The following ATP10B variants were observed in gnomAD, a reference collection of about 807,000 sequenced individuals.
ATP10B encodes phospholipid-transporting ATPase VB.
A neutral mutation model predicts 141.2 loss-of-function variants in ATP10B; 122 were observed. The observed-to-expected ratio is 0.86, with a 90% CI of 0.75 to 1.00. The LOEUF is 1.00. Among genes scored for constraint, ATP10B ranks in the 50% least tolerant of loss-of-function variants. The probability of loss-of-function intolerance (pLI) is 0.00; values close to 1 mark genes in which losing one functional copy is unlikely to be tolerated. For synonymous variants in ATP10B, 685 were observed against 692.0 expected, an observed-to-expected ratio of 0.99 and a Z score of 0.16; for missense variants, 1,876 against 1,825.3, an observed-to-expected ratio of 1.03 and a Z score of -0.51.
chr5:160,668,442 C>G (rs1320895297), intron 7 of ATP10B, among the ~76,000 whole-genome samples: 1 of 152,182 alleles, frequency 6.6e-6, no homozygotes, highest in African/African-American at 2.4e-5. Flanking sequence ...GGTCGAAGGG[C>G]AGGCTACAGA....
intron 25 of ATP10B, among the ~76,000 whole-genome samples, chr5:160,567,881 T>G (rs1754641062): frequency 6.6e-6 from 1 of 152,102 alleles, no homozygotes; most frequent in Non-Finnish European, 1.5e-5. Context: ...ACCGAAATAA[T>G]TTGGGGTGAA....
chr5:160,855,684 ATATT>A (rs979538986), upstream of ATP10B, among the ~76,000 whole-genome samples: 13 of 151,784 alleles, frequency 8.6e-5, no homozygotes, highest in African/African-American at 1.9e-4. Flanking sequence ...TAAATCTTAA[ATATT>A]TATCCTATTT....
At chr5:160,789,212 T>G (rs1160357621) in intron 1 of ATP10B, among the ~76,000 whole-genome samples, 1 of 152,150 alleles carries the variant, frequency 6.6e-6, no homozygotes, top group Non-Finnish European at 1.5e-5. Context: ...GGGAGACCCC[T>G]TTAGCAGTAG....
At chr5:160,678,267 A>T (rs966122967) in intron 6 of ATP10B, among the ~76,000 whole-genome samples, 2 of 152,220 alleles carry the variant, frequency 1.3e-5, no homozygotes, top group Admixed American at 6.5e-5. Context: ...AGAACTAGCA[A>T]TTCCACCCTT....
At chr5:160,816,299 A>AT (rs1198691777) in intron 1 of ATP10B, among the ~76,000 whole-genome samples, 3 of 151,732 alleles carry the variant, frequency 2.0e-5, no homozygotes, top group Non-Finnish European at 4.4e-5. Context: ...AATAGACACA[A>AT]TAAAAAATGA....
chr5:160,868,280 A>G, the ATP10B span, among the ~76,000 whole-genome samples: 1 of 152,034 alleles, frequency 6.6e-6, no homozygotes, highest in Admixed American at 6.6e-5. Flanking sequence ...GAATATCTCA[A>G]ACAGTTGGTT....
intron 3 of ATP10B, among the ~76,000 whole-genome samples, chr5:160,709,203 G>C (rs1416609984): frequency 6.6e-6 from 1 of 152,212 alleles, no homozygotes; most frequent in African/African-American, 2.4e-5. Flanking sequence ...TGGTCTTGAG[G>C]TAGGGAGGAA....
chr5:160,767,225 A>G (rs762923182), intron 2 of ATP10B, among the ~76,000 whole-genome samples: 1 of 152,184 alleles, frequency 6.6e-6, no homozygotes, highest in Non-Finnish European at 1.5e-5. Flanking sequence ...GCTTGATATA[A>G]GTCAATATTC....
chr5:160,820,154 G>A (rs1773990456), intron 1 of ATP10B, among the ~76,000 whole-genome samples: 1 of 144,234 alleles, frequency 6.9e-6, no homozygotes. Context: ...GAAAAAAAAA[G>A]AGGGAAGACT....
At chr5:160,876,946 T>C in the ATP10B span, among the ~76,000 whole-genome samples, 1 of 142,508 alleles carries the variant, frequency 7.0e-6, no homozygotes, top group African/African-American at 2.5e-5. Flanking sequence ...AGCCGAATTC[T>C]ACCAGAGGTA....
chr5:160,600,648 G>C (rs1394272180), intron 21 of ATP10B, among the ~76,000 whole-genome samples: 5 of 152,186 alleles, frequency 3.3e-5, no homozygotes, highest in South Asian at 2.1e-4. Flanking sequence ...GCCTCCTGAG[G>C]CCCTGGTAAG....
chr5:160,656,739 T>C (rs907668503), intron 7 of ATP10B, among the ~76,000 whole-genome samples: 4 of 152,192 alleles, frequency 2.6e-5, no homozygotes, highest in African/African-American at 9.7e-5. Flanking sequence ...CATAAAGTTC[T>C]TACAGGGTTA....
Position 160,687,978 on chromosome 5 carries a change from G to T in ATP10B, c.97C>A (p.Pro33Thr). The T allele has an allele frequency of 6.2e-7, 1 of 1,614,100 alleles. No homozygotes were observed. Among genetic ancestry groups the T allele is most frequent in the South Asian group, 1.1e-5 (1 of 91,068 alleles). The change falls in exon 5 of 26, where the codon CCA becomes ACA. Residue 33 changes from proline to threonine, a missense_variant. Pro to Thr is a conservative substitution (Grantham distance 38). Transcript: ENST00000327245. ...CPSETTPLLSPEKGRQSYNLT... is the reference protein window; with the variant it reads ...CPSETTPLLSTEKGRQSYNLT... ...TTGTAGCTCTGTCTCCCTTTCTCTGGAGAGAGCAGCGGTGTGGTTTCCGAT... is the reference window on the plus strand; with the variant it reads ...TTGTAGCTCTGTCTCCCTTTCTCTGTAGAGAGCAGCGGTGTGGTTTCCGAT...
At chr5:160,692,144 G>A (rs1471242854) in intron 3 of ATP10B, among the ~76,000 whole-genome samples, 1 of 152,130 alleles carries the variant, frequency 6.6e-6, no homozygotes, top group African/African-American at 2.4e-5. Context: ...AGGATTAAAA[G>A]TCCATTTATC....
chr5:160,754,317 G>A (rs961475103), intron 2 of ATP10B, among the ~76,000 whole-genome samples: 1 of 152,146 alleles, frequency 6.6e-6, no homozygotes, highest in Admixed American at 6.5e-5. Context: ...GACTTTCTGG[G>A]AAATAAATCT....
chr5:160,873,670 G>T, the ATP10B span, among the ~76,000 whole-genome samples: 10 of 152,182 alleles, frequency 6.6e-5, no homozygotes, highest in African/African-American at 2.2e-4. Context: ...CAGGTCAGTG[G>T]GTGCACGCAC....
At chr5:160,603,836 C>A in intron 20 of ATP10B, 129 bp downstream of exon 20, 1 of 710,370 alleles carries the variant, frequency 1.4e-6, no homozygotes. Flanking sequence ...TCTGTCATTG[C>A]TTATGGAGGG....
At chr5:160,669,270 A>G (rs994554526) in intron 7 of ATP10B, among the ~76,000 whole-genome samples, 3 of 152,224 alleles carry the variant, frequency 2.0e-5, no homozygotes, top group Non-Finnish European at 2.9e-5. Context: ...CTGGTCTTTT[A>G]CTATGTGCCT....
At chr5:160,696,449 A>G (rs1764367967) in intron 3 of ATP10B, among the ~76,000 whole-genome samples, 1 of 152,146 alleles carries the variant, frequency 6.6e-6, no homozygotes. Context: ...CTAAACCTTA[A>G]TACCAAAATG....
Sources: gnomAD v4.1 joint callset for allele counts (sites outside exome capture counted in the v4.1 genomes callset) on GRCh38, gnomAD v4.1.1 for gene constraint, MANE v1.5 for transcripts, NCBI Gene and HGNC (gene_info 2026-07-23, HGNC 2026-07-21) for gene names.